Variants in RTN4IP1 observed in about 807,000 individuals in gnomAD.
The protein encoded by RTN4IP1 is reticulon 4 interacting protein 1.
A neutral mutation model predicts 46.6 loss-of-function variants in RTN4IP1; 32 were observed. That is an observed-to-expected ratio of 0.69 (90% CI 0.52 to 0.92). RTN4IP1 has a LOEUF of 0.92. RTN4IP1 is among the 40% of genes least tolerant of loss of function. RTN4IP1 has a pLI of 0.00. For synonymous variants in RTN4IP1, 167 were observed against 161.8 expected, an observed-to-expected ratio of 1.03 and a Z score of -0.24; for missense variants, 424 against 485.8, an observed-to-expected ratio of 0.87 and a Z score of 1.20.
Position 106,629,244 on chromosome 6 carries a change from C to G in RTN4IP1, c.-223G>C, listed in dbSNP as rs1776744144. The G allele has an allele frequency of 1.7e-6, 1 of 583,068 alleles. No individual in the cohort carries two copies. 36.1% of individuals were successfully genotyped at this position (583,068 alleles called of 1,614,324 possible). On this transcript the variant is annotated 5_prime_UTR_variant, in exon 1 of 9. Coordinates refer to ENST00000369063, the MANE Select transcript of RTN4IP1 (RefSeq NM_032730.5). ...CATATGAAATGCTCGAATTAACGTT[C>G]CAGTCAGTATTCTGTCCATTCTCCT...
chr6:106,597,427 C>T (rs1175099568), intron 5 of RTN4IP1, among the ~76,000 whole-genome samples: 1 of 152,154 alleles, frequency 6.6e-6, no homozygotes, highest in Non-Finnish European at 1.5e-5. Context: ...TCACTGCAGC[C>T]TCGACCTCCT....
intron 1 of RTN4IP1, among the ~76,000 whole-genome samples, chr6:106,625,035 C>T (rs568565118): frequency 9.7e-4 from 147 of 151,546 alleles, no homozygotes; most frequent in African/African-American, 3.5e-3. Context: ...TTTTTTGGTT[C>T]AAGTAAATTT....
intron 1 of RTN4IP1, among the ~76,000 whole-genome samples, chr6:106,625,272 G>A (rs1776607186): frequency 6.6e-6 from 1 of 151,866 alleles, no homozygotes; most frequent in African/African-American, 2.4e-5. Context: ...AACCCACTCT[G>A]TACGTCTCCC....
chr6:106,619,318 G>T lies in RTN4IP1; in HGVS notation c.504C>A (p.His168Gln). The change falls in exon 4 of 9, where the codon CAC becomes CAA. Residue 168 changes from histidine (H) to glutamine (Q), a missense_variant. Physicochemically the swap from His to Gln is conservative, Grantham distance 24 (BLOSUM62 0). Coordinates refer to ENST00000369063, the MANE Select transcript of RTN4IP1 (RefSeq NM_032730.5). ...FVVVSGNEVS[H>Q]KPKSLTHTQA... The stretch of plus-strand genomic sequence containing the variant: ...GAGTATGAGTGAGTGATTTGGGTTT[G>T]TGAGAGACCTACATTTGAAGACAAC... 6.2e-7 allele frequency: 1 copy of T among 1,614,106 alleles called. No individual in the cohort carries two copies. Among genetic ancestry groups the T allele is most frequent in the Non-Finnish European group, 8.5e-7 (1 of 1,180,004 alleles).
chr6:106,593,250 T>C (rs545989373), intron 5 of RTN4IP1, among the ~76,000 whole-genome samples: 39 of 152,230 alleles, frequency 2.6e-4, no homozygotes, highest in African/African-American at 8.9e-4. Flanking sequence ...GTTACCCAGG[T>C]TTTAAAATGC....
chr6:106,618,989 A>C (rs1459718268), intron 4 of RTN4IP1, among the ~76,000 whole-genome samples: 2 of 152,236 alleles, frequency 1.3e-5, no homozygotes, highest in Non-Finnish European at 2.9e-5. Context: ...TCAGTTAAAA[A>C]ATTCCCAAGT....
At chr6:106,602,142 C>T (rs1167169782) in intron 5 of RTN4IP1, among the ~76,000 whole-genome samples, 2 of 152,156 alleles carry the variant, frequency 1.3e-5, no homozygotes, top group Non-Finnish European at 2.9e-5. Flanking sequence ...GTTTTGATTA[C>T]TGTAGCTCTG....
chr6:106,598,934 T>C (rs1308909871), intron 5 of RTN4IP1, among the ~76,000 whole-genome samples: 2 of 152,100 alleles, frequency 1.3e-5, no homozygotes, highest in East Asian at 3.8e-4. Context: ...TGTGTTGTGT[T>C]TACTTGCTAT....
chr6:106,625,652 CT>C (rs1196900070), intron 1 of RTN4IP1, among the ~76,000 whole-genome samples: 3 of 130,292 alleles, frequency 2.3e-5, no homozygotes, highest in Non-Finnish European at 3.2e-5. Context: ...TGGCTTTTTT[CT>C]TTTTTTTCTT....
At chr6:106,574,109 C>T (rs1026560704) in intron 8 of RTN4IP1, among the ~76,000 whole-genome samples, 1 of 152,200 alleles carries the variant, frequency 6.6e-6, no homozygotes, top group Admixed American at 6.5e-5. Flanking sequence ...TGGTGAGTCC[C>T]ACTTTAGGGT....
chr6:106,619,594 A>C (rs1776432755), intron 3 of RTN4IP1, among the ~76,000 whole-genome samples: 1 of 146,864 alleles, frequency 6.8e-6, no homozygotes, highest in African/African-American at 2.6e-5. Context: ...AATAGTAAGT[A>C]TACTTTTCTT....
At chr6:106,587,560 C>A in intron 7 of RTN4IP1, 119 bp downstream of exon 7, 3 of 861,550 alleles carry the variant, frequency 3.5e-6, no homozygotes, top group South Asian at 3.4e-5. Context: ...ACTGCAGAGT[C>A]CATGCTTGCA....
At position 106,592,318 on chromosome 6, in the gene RTN4IP1, GA is replaced by G. The variant is rs749019278; in HGVS notation, c.670-19del. On this transcript the variant is annotated intron_variant, in intron 5 of 8. Transcript: ENST00000369063. ...TTCATTACCTGCCCCCCACCAAAAA[GA>G]AAAAAAGAATAAAAAAGGGAGAGAT... is the stretch of plus-strand genomic sequence containing the variant. 3 of 1,576,988 alleles carry G rather than the reference GA, an allele frequency of 1.9e-6. No homozygotes were observed. The highest frequency in any genetic ancestry group is 2.6e-6 in the Non-Finnish European group (3 of 1,165,748).
chr6:106,623,010 T>C (rs1179461546), intron 1 of RTN4IP1, 41 bp from the exon 2 acceptor site: 5 of 1,599,014 alleles, frequency 3.1e-6, no homozygotes, highest in Middle Eastern at 1.7e-4. Flanking sequence ...AATGTAAGTA[T>C]GAAATGCTTT....
chr6:106,603,760 T>C (rs1775998951), intron 4 of RTN4IP1, among the ~76,000 whole-genome samples: 1 of 152,228 alleles, frequency 6.6e-6, no homozygotes, highest in Non-Finnish European at 1.5e-5. Context: ...TCCATGCTCT[T>C]ACATTTTATT....
intron 2 of RTN4IP1, 146 bp downstream of exon 2, chr6:106,622,672 G>T: frequency 1.3e-6 from 1 of 758,756 alleles, no homozygotes; most frequent in Non-Finnish European, 2.1e-6. Flanking sequence ...TCAGTTTAGG[G>T]GGCAGATGCT....
At chr6:106,606,835 C>T (rs1776088406) in intron 4 of RTN4IP1, among the ~76,000 whole-genome samples, 1 of 152,184 alleles carries the variant, frequency 6.6e-6, no homozygotes, top group Admixed American at 6.5e-5. Flanking sequence ...CCACCCAAAG[C>T]AATCTACAGA....
intron 4 of RTN4IP1, among the ~76,000 whole-genome samples, chr6:106,618,502 T>C (rs1776405003): frequency 1.3e-5 from 2 of 152,212 alleles, no homozygotes; most frequent in South Asian, 4.1e-4. Flanking sequence ...CCATAAACTG[T>C]GTCACCAGTT....
At chr6:106,589,336 GGAA>G (rs903664286) in intron 6 of RTN4IP1, among the ~76,000 whole-genome samples, 1 of 147,070 alleles carries the variant, frequency 6.8e-6, no homozygotes, top group Non-Finnish European at 1.5e-5. Context: ...AAGAGGAAGA[GGAA>G]GAAGAAGAAG....
Sources: allele counts gnomAD v4.1 joint callset (sites outside exome capture counted in the v4.1 genomes callset), GRCh38; gene constraint gnomAD v4.1.1; transcripts MANE v1.5; gene names NCBI Gene and HGNC (gene_info 2026-07-23, HGNC 2026-07-21).